SEMA3E: variants seen among roughly 807,000 people sequenced by gnomAD.
The protein encoded by SEMA3E is semaphorin 3E.
Under a neutral mutation model 93.6 loss-of-function variants are expected in SEMA3E, and 49 were observed. That is an observed-to-expected ratio of 0.52 (90% CI 0.42 to 0.66). SEMA3E has a LOEUF of 0.66. Ranked by LOEUF, SEMA3E falls within the 30% of genes least tolerant of loss-of-function variation. The pLI, the probability that SEMA3E is intolerant of heterozygous loss-of-function variation, is 0.00. For missense variants in SEMA3E, 906 were observed against 964.8 expected, an observed-to-expected ratio of 0.94 and a Z score of 0.81; for synonymous variants, 363 against 330.7, an observed-to-expected ratio of 1.10 and a Z score of -1.06.
Position 83,649,095 on chromosome 7 carries a change from A to G in SEMA3E, c.-553T>C, listed in dbSNP as rs1313004256. The G allele has an allele frequency of 2.5e-5, 4 of 157,266 alleles. No homozygotes were observed. Among genetic ancestry groups the G allele is most frequent in the Non-Finnish European group, 5.6e-5 (4 of 71,006 alleles). The allele number at this position is 157,266 out of a possible 1,614,324, so 9.7% of individuals were successfully genotyped here. On this transcript the variant is annotated 5_prime_UTR_variant, in exon 1 of 17. Coordinates refer to ENST00000643230, the MANE Select transcript of SEMA3E (RefSeq NM_012431.3). ...GAGTCGCAGGATCCACCCAGCAGGG[A>G]TGCAGTCTGTCAGTGGCTGTTTACA...
chr7:83,507,422 CTCTGTGTGTGTGTG>C (rs1380303560), intron 1 of SEMA3E, among the ~76,000 whole-genome samples: 1 of 102,350 alleles, frequency 9.8e-6, no homozygotes, highest in East Asian at 3.4e-4. Flanking sequence ...CAAAACAGAA[CTCTGTGTGTGTGTG>C]TGTGTGTGTG....
rs369031545 is a variant in SEMA3E, at chr7:83,478,478, T to A, written c.277-9176A>T. 8.4e-4 allele frequency among the ~76,000 whole-genome samples: 128 copies of A among 152,308 alleles called. 2 individuals are homozygous for A. The highest frequency in any genetic ancestry group is 3.4e-3 in the Middle Eastern group (1 of 294). The stretch of plus-strand genomic sequence containing the variant: ...TCTTCCAGAGAATAATTTTGACTTA[T>A]TTTTTAGGAAGTCTTAGTAATTTTC... On this transcript the variant is annotated intron_variant, in intron 2 of 16. Coordinates refer to ENST00000643230, the MANE Select transcript of SEMA3E (RefSeq NM_012431.3).
At chr7:83,591,547 T>C (rs956148825) in intron 1 of SEMA3E, among the ~76,000 whole-genome samples, 2 of 151,978 alleles carry the variant, frequency 1.3e-5, no homozygotes, top group Non-Finnish European at 2.9e-5. Context: ...CATTTCTATC[T>C]ATTTTATGGT....
Position 83,648,882 on chromosome 7 carries a change from GA to G in SEMA3E, c.-341del, listed in dbSNP as rs748082408. 0.16 allele frequency: 13,797 copies of G among 86,636 alleles called. 2,020 individuals are homozygous for G. Among genetic ancestry groups the G allele is most frequent in the African/African-American group, 0.43 (11,766 of 27,058 alleles). The allele number at this position is 86,636 out of a possible 1,614,324, so 5.4% of individuals were successfully genotyped here. On this transcript the variant is annotated 5_prime_UTR_variant, in exon 1 of 17. Transcript: ENST00000643230. ...TCACTTGGGCAAAGCTGTTCATTCA[GA>G]AAAAAAAAAAAAAAAGAGAGAAAAA...
chr7:83,408,956 A>G lies in SEMA3E; in HGVS notation c.551-469T>C, dbSNP rs3801489. 8.1e-4 allele frequency among the ~76,000 whole-genome samples: 124 copies of G among 152,334 alleles called. 3 individuals are homozygous for G. The East Asian group carries it at 0.022, about 27-fold the overall frequency. ...ATTCAAATCCTTCTTGTAACAAGATACTGCTATCATGAATATGATTTTAGT... is the reference window on the plus strand; with the variant it reads ...ATTCAAATCCTTCTTGTAACAAGATGCTGCTATCATGAATATGATTTTAGT... On this transcript the variant is annotated intron_variant, in intron 5 of 16. Transcript: ENST00000643230.
intron 1 of SEMA3E, among the ~76,000 whole-genome samples, chr7:83,584,498 T>C (rs906338766): frequency 6.6e-6 from 1 of 152,206 alleles, no homozygotes; most frequent in African/African-American, 2.4e-5. Flanking sequence ...AAAATGTGTA[T>C]TATTTCTCAG....
At chr7:83,489,246 G>T (rs577220843) in intron 2 of SEMA3E, among the ~76,000 whole-genome samples, 14 of 152,094 alleles carry the variant, frequency 9.2e-5, no homozygotes, top group Admixed American at 2.0e-4. Flanking sequence ...TTTCTTAACA[G>T]ATATTGCCTA....
At chr7:83,605,594 C>G (rs1355797788) in intron 1 of SEMA3E, among the ~76,000 whole-genome samples, 1 of 151,914 alleles carries the variant, frequency 6.6e-6, no homozygotes, top group Non-Finnish European at 1.5e-5. Context: ...CCACCCCCAG[C>G]TATTTTTGTA....
chr7:83,489,724 A>G (rs1034843835), intron 2 of SEMA3E, among the ~76,000 whole-genome samples: 1 of 133,364 alleles, frequency 7.5e-6, no homozygotes, highest in African/African-American at 2.8e-5. Flanking sequence ...TATATGAGGT[A>G]GTTATATCGA....
intron 1 of SEMA3E, among the ~76,000 whole-genome samples, chr7:83,577,488 G>A (rs1584342624): frequency 6.6e-6 from 1 of 152,128 alleles, no homozygotes; most frequent in East Asian, 1.9e-4. Context: ...AAAGTCTTGC[G>A]AGTAGCCATT....
intron 16 of SEMA3E, among the ~76,000 whole-genome samples, chr7:83,384,366 T>A (rs1584207125): frequency 6.6e-6 from 1 of 152,078 alleles, no homozygotes; most frequent in South Asian, 2.1e-4. Flanking sequence ...TATTACCTCT[T>A]CTCTGTAATA....
intron 4 of SEMA3E, among the ~76,000 whole-genome samples, chr7:83,460,802 C>T (rs142303089): frequency 0.017 from 2,500 of 151,448 alleles, 37 homozygotes; most frequent in Middle Eastern, 0.038. Context: ...TTCCGCACCC[C>T]GACCTCTTAT....
At chr7:83,572,909 TATTAA>T (rs1201017308) in intron 1 of SEMA3E, among the ~76,000 whole-genome samples, 5 of 152,032 alleles carry the variant, frequency 3.3e-5, no homozygotes, top group African/African-American at 1.2e-4. Context: ...GACCTCAAAG[TATTAA>T]ATTACTAGAA....
rs915091239 is a variant in SEMA3E, at chr7:83,474,997, TTA to T, written c.277-5697_277-5696del. 2.7e-3 allele frequency among the ~76,000 whole-genome samples: 410 copies of T among 150,656 alleles called. 3 individuals are homozygous for T. The highest frequency in any genetic ancestry group is 9.2e-3 in the African/African-American group (378 of 41,210). On this transcript the variant is annotated intron_variant, in intron 2 of 16. Coordinates refer to ENST00000643230, the MANE Select transcript of SEMA3E (RefSeq NM_012431.3). The stretch of plus-strand genomic sequence containing the variant: ...CTATACAAATATGTATACATATTTA[TTA>T]TATATATATAATAAAATACAAATTC...
At chr7:83,634,763 G>T (rs1409217509) in intron 1 of SEMA3E, among the ~76,000 whole-genome samples, 1 of 151,902 alleles carries the variant, frequency 6.6e-6, no homozygotes, top group Non-Finnish European at 1.5e-5. Context: ...AATATTTTGG[G>T]TGGCTCATTA....
At chr7:83,371,456 C>T (rs962634070) in intron 16 of SEMA3E, 1 of 152,074 alleles carries the variant, frequency 6.6e-6, no homozygotes, top group African/African-American at 2.4e-5. Flanking sequence ...TCAGTAAAAA[C>T]AAAACACACA....
chr7:83,377,562 T>C (rs1787673113), intron 16 of SEMA3E, among the ~76,000 whole-genome samples: 1 of 151,944 alleles, frequency 6.6e-6, no homozygotes, highest in Non-Finnish European at 1.5e-5. Context: ...AGTCTTTGGT[T>C]TTTCAATTTC....
chr7:83,384,807 T>A (rs571929980), intron 16 of SEMA3E, among the ~76,000 whole-genome samples: 2 of 152,188 alleles, frequency 1.3e-5, no homozygotes, highest in South Asian at 4.1e-4. Context: ...TGTCAATGTC[T>A]CATATATAAT....
intron 1 of SEMA3E, among the ~76,000 whole-genome samples, chr7:83,542,526 C>G (rs1380646590): frequency 6.6e-6 from 1 of 151,826 alleles, no homozygotes; most frequent in African/African-American, 2.4e-5. Flanking sequence ...ATTTTATTTC[C>G]TATATGACTT....
Sources: gnomAD v4.1 joint callset for allele counts (sites outside exome capture counted in the v4.1 genomes callset) on GRCh38, gnomAD v4.1.1 for gene constraint, MANE v1.5 for transcripts, NCBI Gene and HGNC (gene_info 2026-07-23, HGNC 2026-07-21) for gene names.